TRIO: variants seen among roughly 807,000 people sequenced by gnomAD.
The protein encoded by TRIO is triple functional domain protein.
Under a neutral mutation model 351.9 loss-of-function variants are expected in TRIO, and 58 were observed. The observed-to-expected ratio is 0.16, with a 90% CI of 0.13 to 0.21. The LOEUF (loss-of-function observed/expected upper bound fraction) is 0.21. TRIO is among the 10% of genes least tolerant of loss of function. The probability of loss-of-function intolerance (pLI) is 1.00; values close to 1 mark genes in which losing one functional copy is unlikely to be tolerated. For missense variants in TRIO, 3,201 were observed against 4,027.8 expected, an observed-to-expected ratio of 0.79 and a Z score of 5.56; for synonymous variants, 1,758 against 1,595.7, an observed-to-expected ratio of 1.10 and a Z score of -2.42.
At chr5:14,181,873 T>G (rs2152138471) in intron 1 of TRIO, among the ~76,000 whole-genome samples, 1 of 152,282 alleles carries the variant, frequency 6.6e-6, no homozygotes, top group East Asian at 1.9e-4. Flanking sequence ...ATTCCTTTTC[T>G]GGTAGTTTCT....
At position 14,461,191 on chromosome 5, in the gene TRIO, C is replaced by T; in HGVS notation, c.5376C>T (p.His1792=). ...TCAGCAGCGGCAAGGCCGACGGGCA[C>T]GTGAAGAAGCTGGCGCACAAGCACA... ...RRLSSGKADG[H]VKKLAHKHKK... The change falls in exon 35 of 57, where the codon CAC becomes CAT. Residue 1792 remains histidine (H), a synonymous_variant. Transcript: ENST00000344204. 2 of 1,563,380 alleles carry T rather than the reference C, an allele frequency of 1.3e-6. No homozygotes were observed. Among genetic ancestry groups the T allele is most frequent in the Middle Eastern group, 1.7e-4 (1 of 5,994 alleles).
At chr5:14,190,486 A>AAGAAATCTGAGTCAGTCTGAGGAGAGTGC (rs1350167774) in intron 1 of TRIO, among the ~76,000 whole-genome samples, 9 of 152,180 alleles carry the variant, frequency 5.9e-5, no homozygotes, top group African/African-American at 9.7e-5. Flanking sequence ...TATTCCTGTA[A>AAGAAATCTGAGTCAGTCTGAGGAGAGTGC]AGAAATCTGA....
intron 1 of TRIO, among the ~76,000 whole-genome samples, chr5:14,153,452 C>T (rs1487758115): frequency 6.6e-6 from 1 of 152,210 alleles, no homozygotes. Context: ...CTGTAAGTCC[C>T]ATCCTGTTCT....
At chr5:14,356,866 G>A (rs926248794) in intron 11 of TRIO, among the ~76,000 whole-genome samples, 15 of 151,166 alleles carry the variant, frequency 9.9e-5, no homozygotes, top group Admixed American at 4.6e-4. Flanking sequence ...AAGCTGGACA[G>A]AAAAAAAAAG....
intron 47 of TRIO, among the ~76,000 whole-genome samples, chr5:14,485,844 C>T (rs571708474): frequency 2.0e-5 from 3 of 152,188 alleles, no homozygotes; most frequent in Non-Finnish European, 2.9e-5. Context: ...AAAAATTAGC[C>T]GGGCGTGGTG....
intron 1 of TRIO, among the ~76,000 whole-genome samples, chr5:14,223,802 G>A (rs1334381741): frequency 6.6e-6 from 1 of 152,078 alleles, no homozygotes; most frequent in Non-Finnish European, 1.5e-5. Context: ...AATATTTTAG[G>A]CTCAAATTCC....
intron 7 of TRIO, among the ~76,000 whole-genome samples, chr5:14,298,174 G>A (rs1327833065): frequency 6.6e-6 from 1 of 152,188 alleles, no homozygotes; most frequent in African/African-American, 2.4e-5. Context: ...GTTGACAGAT[G>A]TGTTGTGTCA....
intron 1 of TRIO, among the ~76,000 whole-genome samples, chr5:14,233,588 A>G (rs911204550): frequency 6.6e-6 from 1 of 152,184 alleles, no homozygotes; most frequent in African/African-American, 2.4e-5. Context: ...TTATTAATAC[A>G]TACCAAAACA....
rs1000123951 is a variant in TRIO, at chr5:14,266,070, C to CT, written c.158-4746dup. On this transcript the variant is annotated intron_variant, in intron 1 of 56. Transcript: ENST00000344204. ...ATCCATCCATCTTTCTTTTCCTTTT[C>CT]TTTTTTTTTGGAGACAGAGTCTCGC... 2.1e-4 allele frequency among the ~76,000 whole-genome samples: 32 copies of CT among 150,886 alleles called. 1 individual carries two copies. The highest frequency in any genetic ancestry group is 5.3e-4 in the African/African-American group (22 of 41,138).
At chr5:14,157,088 C>T (rs1416074967) in intron 1 of TRIO, among the ~76,000 whole-genome samples, 4 of 150,178 alleles carry the variant, frequency 2.7e-5, no homozygotes, top group Non-Finnish European at 4.5e-5. Flanking sequence ...GAGGATGGGT[C>T]GAGCGGACCT....
Position 14,508,712 on chromosome 5 carries a change from T to C in TRIO, c.*290T>C, listed in dbSNP as rs541006555. 3.2e-6 allele frequency: 1 copy of C among 312,428 alleles called. No homozygotes were observed. The highest frequency in any genetic ancestry group is 8.2e-5 in the South Asian group (1 of 12,122). 19.4% of individuals were successfully genotyped at this position (312,428 alleles called of 1,614,324 possible). On this transcript the variant is annotated 3_prime_UTR_variant, in exon 57 of 57. Transcript: ENST00000344204. The stretch of plus-strand genomic sequence containing the variant: ...AAAAGATAACTTTTTTAAACAAACA[T>C]GAATAGAATTTTGCAAATTTAACGT...
chr5:14,467,433 G>C (rs1290665874), intron 37 of TRIO, among the ~76,000 whole-genome samples: 1 of 152,134 alleles, frequency 6.6e-6, no homozygotes, highest in Non-Finnish European at 1.5e-5. Context: ...GTAATCGTGT[G>C]GTGTTCCGGA....
At chr5:14,228,478 C>T (rs919529429) in intron 1 of TRIO, among the ~76,000 whole-genome samples, 3 of 152,228 alleles carry the variant, frequency 2.0e-5, no homozygotes, top group Non-Finnish European at 4.4e-5. Context: ...CAGCACATGA[C>T]TGAATTTCCT....
intron 1 of TRIO, among the ~76,000 whole-genome samples, chr5:14,158,393 A>G (rs1788242070): frequency 6.6e-6 from 1 of 151,796 alleles, no homozygotes; most frequent in Admixed American, 6.6e-5. Flanking sequence ...CCACTGCACT[A>G]CAGCCTGGCG....
chr5:14,228,383 C>T (rs531998863), intron 1 of TRIO, among the ~76,000 whole-genome samples: 2 of 152,306 alleles, frequency 1.3e-5, no homozygotes, highest in African/African-American at 2.4e-5. Flanking sequence ...GACAAAAGTA[C>T]GTCATGCATT....
chr5:14,426,096 C>T (rs917234767), intron 34 of TRIO, among the ~76,000 whole-genome samples: 3 of 152,258 alleles, frequency 2.0e-5, no homozygotes, highest in Middle Eastern at 3.4e-3. Context: ...TGCCCTTTTT[C>T]GTTTCACCTA....
chr5:14,490,311 C>T (rs1363056734), intron 48 of TRIO, among the ~76,000 whole-genome samples: 1 of 152,172 alleles, frequency 6.6e-6, no homozygotes, highest in African/African-American at 2.4e-5. Flanking sequence ...CTTCTGTCCC[C>T]CTGGAGATCT....
chr5:14,293,762 T>C (rs1737109245), intron 6 of TRIO, among the ~76,000 whole-genome samples: 1 of 152,202 alleles, frequency 6.6e-6, no homozygotes, highest in Admixed American at 6.5e-5. Context: ...ACCAAAACAC[T>C]GAATTTTGAG....
intron 9 of TRIO, among the ~76,000 whole-genome samples, chr5:14,328,893 T>G (rs1411628087): frequency 6.6e-6 from 1 of 152,110 alleles, no homozygotes; most frequent in Admixed American, 6.5e-5. Context: ...ACACGTCTGA[T>G]TTCAGTGCCT....
Sources: gnomAD v4.1 joint callset for allele counts (sites outside exome capture counted in the v4.1 genomes callset) on GRCh38, gnomAD v4.1.1 for gene constraint, MANE v1.5 for transcripts, NCBI Gene and HGNC (gene_info 2026-07-23, HGNC 2026-07-21) for gene names.